FAM171A1: variants seen among roughly 807,000 people sequenced by gnomAD.
FAM171A1 encodes the protein family with sequence similarity 171 member A1, also known as protein FAM171A1.
In FAM171A1, 23 loss-of-function variants were observed where a neutral mutation model predicts 74.9. The observed-to-expected ratio is 0.31, with a 90% CI of 0.22 to 0.44. The LOEUF is 0.44. Ranked by LOEUF, FAM171A1 falls within the 20% of genes least tolerant of loss-of-function variation. FAM171A1 has a pLI of 1.00. For synonymous variants in FAM171A1, 527 were observed against 505.7 expected, an observed-to-expected ratio of 1.04 and a Z score of -0.57; for missense variants, 1,162 against 1,159.2, an observed-to-expected ratio of 1.00 and a Z score of -0.03.
At chr10:15,233,519 AGG>A (rs1237113831) in intron 5 of FAM171A1, among the ~76,000 whole-genome samples, 1 of 91,382 alleles carries the variant, frequency 1.1e-5, no homozygotes, top group East Asian at 3.9e-4. Flanking sequence ...GGGTGTATTC[AGG>A]GTGTGTGTGT....
intron 1 of FAM171A1, among the ~76,000 whole-genome samples, chr10:15,346,850 C>T (rs1835822000): frequency 6.6e-6 from 1 of 152,102 alleles, no homozygotes; most frequent in Admixed American, 6.6e-5. Context: ...CTGAGAATCT[C>T]CAGGGAGGTA....
chr10:15,240,834 G>A, intron 5 of FAM171A1: 4 of 638,306 alleles, frequency 6.3e-6, no homozygotes, highest in Non-Finnish European at 7.8e-6. Context: ...GAGGGCAGGA[G>A]TCTGAGACCA....
At chr10:15,284,648 C>T (rs748019825) in intron 1 of FAM171A1, among the ~76,000 whole-genome samples, 4 of 152,166 alleles carry the variant, frequency 2.6e-5, no homozygotes, top group Non-Finnish European at 4.4e-5. Context: ...TCCTGAGGCT[C>T]AAGCGATCTG....
intron 1 of FAM171A1, among the ~76,000 whole-genome samples, chr10:15,330,563 C>T (rs1835615727): frequency 6.6e-6 from 1 of 152,142 alleles, no homozygotes; most frequent in Non-Finnish European, 1.5e-5. Context: ...GTTGTGCAAC[C>T]AATTGAAAGC....
At chr10:15,266,955 C>T (rs1033571606) in intron 3 of FAM171A1, among the ~76,000 whole-genome samples, 2 of 151,884 alleles carry the variant, frequency 1.3e-5, no homozygotes, top group Non-Finnish European at 2.9e-5. Context: ...GGATTTTACT[C>T]TGTAGGCCAA....
At chr10:15,349,427 CA>C (rs1430289075) in intron 1 of FAM171A1, among the ~76,000 whole-genome samples, 3 of 152,218 alleles carry the variant, frequency 2.0e-5, no homozygotes, top group Non-Finnish European at 2.9e-5. Context: ...TCACTTAAAA[CA>C]GGCTCTTCCC....
At chr10:15,263,733 A>ATCTATCTATCTG (rs1357362936) in intron 3 of FAM171A1, among the ~76,000 whole-genome samples, 1,451 of 131,756 alleles carry the variant, frequency 0.011, 8 homozygotes, top group Middle Eastern at 0.021. Flanking sequence ...CTATCTATCT[A>ATCTATCTATCTG]TCTGTCTGTC....
At chr10:15,332,806 G>C (rs1835656174) in intron 1 of FAM171A1, among the ~76,000 whole-genome samples, 1 of 152,146 alleles carries the variant, frequency 6.6e-6, no homozygotes, top group Non-Finnish European at 1.5e-5. Context: ...TATGAGGAAA[G>C]CATTTCAGTG....
In FAM171A1 at chr10:15,214,033, G is replaced by C. The variant is rs947363709; in HGVS notation, c.1555C>G (p.Leu519Val). 6.2e-7 allele frequency: 1 copy of C among 1,614,060 alleles called. No individual in the cohort carries two copies. ...TGSKLTIQEHLYPAPSSPEKE... is the reference protein window; with the variant it reads ...TGSKLTIQEHVYPAPSSPEKE... Reference sequence around the variant, plus strand: ...TCAGGTGATGAAGGCGCGGGGTACAGATGTTCCTGAATGGTGAGTTTGCTT... The same window carrying C: ...TCAGGTGATGAAGGCGCGGGGTACACATGTTCCTGAATGGTGAGTTTGCTT... The change falls in exon 8 of 8, where the codon CTG becomes GTG. Residue 519 changes from leucine to valine, a missense_variant. Physicochemically the swap from Leu to Val is conservative, Grantham distance 32. Transcript: ENST00000378116.
intron 1 of FAM171A1, among the ~76,000 whole-genome samples, chr10:15,344,627 T>G (rs903156764): frequency 6.6e-6 from 1 of 152,192 alleles, no homozygotes; most frequent in African/African-American, 2.4e-5. Context: ...CATGCAAAAT[T>G]TGGAATATCT....
intron 5 of FAM171A1, among the ~76,000 whole-genome samples, chr10:15,223,511 C>T (rs747256639): frequency 6.6e-6 from 1 of 152,258 alleles, no homozygotes; most frequent in Non-Finnish European, 1.5e-5. Flanking sequence ...CCTGCTCATT[C>T]ATGAATGCAC....
intron 4 of FAM171A1, among the ~76,000 whole-genome samples, chr10:15,250,857 G>A (rs1834498737): frequency 6.6e-6 from 1 of 152,194 alleles, no homozygotes; most frequent in Non-Finnish European, 1.5e-5. Context: ...ATCAGGGAGT[G>A]CTGTTTTCTT....
At chr10:15,238,766 T>C (rs1834328065) in intron 5 of FAM171A1, among the ~76,000 whole-genome samples, 1 of 152,208 alleles carries the variant, frequency 6.6e-6, no homozygotes, top group Admixed American at 6.5e-5. Flanking sequence ...GCTGGTTCAG[T>C]AACCACCATT....
At position 15,214,205 on chromosome 10, in the gene FAM171A1, CACT is replaced by C; in HGVS notation, c.1380_1382del (p.Val461del). On this transcript the variant is annotated inframe_deletion, in exon 8 of 8. Coordinates refer to ENST00000378116, the MANE Select transcript of FAM171A1 (RefSeq NM_001010924.2). ...TTCTTGCCTTTAAGGGAAAAACCTC[CACT>C]GACTTATGGTAGTCTTTCCCCAGCG... The C allele has an allele frequency of 2.5e-6, 4 of 1,614,164 alleles. No homozygotes were observed. Among genetic ancestry groups the C allele is most frequent in the Non-Finnish European group, 2.5e-6 (3 of 1,180,028 alleles).
At chr10:15,229,015 C>T (rs1469980670) in intron 5 of FAM171A1, among the ~76,000 whole-genome samples, 1 of 152,196 alleles carries the variant, frequency 6.6e-6, no homozygotes, top group African/African-American at 2.4e-5. Context: ...CAGAAAGAGG[C>T]TGCGGTGAAT....
intron 1 of FAM171A1, among the ~76,000 whole-genome samples, chr10:15,288,813 CTTTTTTTT>C (rs71505064): frequency 0.015 from 1,080 of 73,690 alleles, 11 homozygotes; most frequent in Middle Eastern, 0.027. Flanking sequence ...TTCGGTAATT[CTTTTTTTT>C]TTTTTTTTTT....
chr10:15,262,993 G>A (rs991474306), intron 3 of FAM171A1, among the ~76,000 whole-genome samples: 4 of 152,166 alleles, frequency 2.6e-5, no homozygotes, highest in African/African-American at 9.7e-5. Flanking sequence ...CATGCAGGTG[G>A]GGCGAGGGGC....
chr10:15,243,619 C>T (rs914706147), intron 5 of FAM171A1, among the ~76,000 whole-genome samples: 1 of 151,972 alleles, frequency 6.6e-6, no homozygotes, highest in Non-Finnish European at 1.5e-5. Flanking sequence ...CAAATATACT[C>T]ATTAAAAAAG....
chr10:15,248,956 T>C, intron 4 of FAM171A1, 141 bp from the exon 5 acceptor site: 1 of 688,214 alleles, frequency 1.5e-6, no homozygotes, highest in Non-Finnish European at 2.3e-6. Context: ...TACATAATCC[T>C]CACCACAACC....
Sources: allele counts gnomAD v4.1 joint callset (sites outside exome capture counted in the v4.1 genomes callset), GRCh38; gene constraint gnomAD v4.1.1; transcripts MANE v1.5; gene names NCBI Gene and HGNC (gene_info 2026-07-23, HGNC 2026-07-21).